The following ANKRD44 variants were observed in gnomAD, a reference collection of about 807,000 sequenced individuals.
ANKRD44 encodes the protein ankyrin repeat domain 44, also known as serine/threonine-protein phosphatase 6 regulatory ankyrin repeat subunit B.
ANKRD44 carries 35 observed loss-of-function variants against 116.0 expected under a neutral mutation model. The observed-to-expected ratio is 0.30, with a 90% CI of 0.23 to 0.40. The LOEUF is 0.40. Ranked by LOEUF, ANKRD44 falls within the 10% of genes least tolerant of loss-of-function variation. The pLI is 1.00. For synonymous variants in ANKRD44, 435 were observed against 461.8 expected, an observed-to-expected ratio of 0.94 and a Z score of 0.74; for missense variants, 1,014 against 1,242.6, an observed-to-expected ratio of 0.82 and a Z score of 2.77.
chr2:197,024,430 G>C (rs1439049229), intron 17 of ANKRD44, among the ~76,000 whole-genome samples: 1 of 152,184 alleles, frequency 6.6e-6, no homozygotes, highest in African/African-American at 2.4e-5. Flanking sequence ...CTGTTGCTGG[G>C]TGTGGCTGCC....
chr2:197,214,865 T>C (rs773024047), intron 1 of ANKRD44, among the ~76,000 whole-genome samples: 1 of 152,062 alleles, frequency 6.6e-6, no homozygotes, highest in Non-Finnish European at 1.5e-5. Flanking sequence ...GAAGAACAGC[T>C]GGATTTTTTT....
intron 4 of ANKRD44, chr2:197,136,298 CAAT>C (rs1415034134): frequency 1.3e-5 from 5 of 384,248 alleles, no homozygotes; most frequent in Non-Finnish European, 2.4e-5. Context: ...TCCCGCAAGT[CAAT>C]GATGATATTG....
intron 1 of ANKRD44, among the ~76,000 whole-genome samples, chr2:197,226,525 G>A (rs1364928229): frequency 2.0e-5 from 3 of 152,116 alleles, no homozygotes; most frequent in Non-Finnish European, 4.4e-5. Flanking sequence ...TTAGCCAGGT[G>A]TGGTGGTGCA....
At chr2:197,092,807 T>G (rs1345735404) in intron 10 of ANKRD44, among the ~76,000 whole-genome samples, 12 of 152,210 alleles carry the variant, frequency 7.9e-5, no homozygotes, top group Non-Finnish European at 1.6e-4. Context: ...GCTTTTCTGC[T>G]TATGCTATTA....
intron 16 of ANKRD44, chr2:197,029,387 C>T (rs556671141): frequency 7.4e-6 from 2 of 272,014 alleles, no homozygotes; most frequent in Non-Finnish European, 1.4e-5. Context: ...TGCTTGCCTG[C>T]TGCTTGAAGG....
intron 1 of ANKRD44, among the ~76,000 whole-genome samples, chr2:197,287,806 G>A (rs2083447507): frequency 6.6e-6 from 1 of 151,862 alleles, no homozygotes; most frequent in South Asian, 2.1e-4. Context: ...TATCACTTGA[G>A]GTCAGGAGTT....
chr2:197,115,916 G>C (rs1473261995), intron 8 of ANKRD44, among the ~76,000 whole-genome samples: 3 of 152,170 alleles, frequency 2.0e-5, no homozygotes, highest in Admixed American at 6.5e-5. Flanking sequence ...GGGAGACTGA[G>C]AATGAAGGCT....
chr2:197,288,616 G>A (rs1410585695), intron 1 of ANKRD44, among the ~76,000 whole-genome samples: 1 of 87,176 alleles, frequency 1.1e-5, no homozygotes. Flanking sequence ...TAAAGAAAAT[G>A]TGATATATAT....
intron 9 of ANKRD44, among the ~76,000 whole-genome samples, chr2:197,105,095 G>A (rs367881161): frequency 6.6e-6 from 1 of 151,758 alleles, no homozygotes; most frequent in Non-Finnish European, 1.5e-5. Context: ...GTTACAGTGG[G>A]GTTCTTTTGT....
intron 1 of ANKRD44, among the ~76,000 whole-genome samples, chr2:197,294,552 C>T (rs2083662976): frequency 6.6e-6 from 1 of 152,000 alleles, no homozygotes. Flanking sequence ...ACCACACACA[C>T]ACATATTTTC....
At chr2:197,129,412 G>A (rs773877599) in intron 4 of ANKRD44, among the ~76,000 whole-genome samples, 3 of 152,196 alleles carry the variant, frequency 2.0e-5, no homozygotes, top group Admixed American at 6.5e-5. Context: ...TGGGGTTACA[G>A]GCATGAGCCA....
At chr2:196,968,879 C>G (rs1053148103) in intron 21 of ANKRD44, among the ~76,000 whole-genome samples, 1 of 152,164 alleles carries the variant, frequency 6.6e-6, no homozygotes, top group Non-Finnish European at 1.5e-5. Flanking sequence ...TGTAGGCAGT[C>G]CTCTCATCTG....
intron 1 of ANKRD44, among the ~76,000 whole-genome samples, chr2:197,279,277 A>T (rs1574430201): frequency 6.6e-6 from 1 of 152,310 alleles, no homozygotes; most frequent in Middle Eastern, 3.4e-3. Context: ...ACCTGTATAC[A>T]ATAAAACGTC....
rs1315993590 is a variant in ANKRD44, at chr2:197,009,033, T to C, written c.1925-2A>G. ...AACACAGTGTGTGACCATTAATTAC[T>C]GAAAAAGAAAACAGTGGACAGTCTT... On this transcript the variant is annotated splice_acceptor_variant, in intron 18 of 27. Coordinates refer to ENST00000282272, the MANE Select transcript of ANKRD44 (RefSeq NM_001195144.2). LOFTEE classifies it high-confidence loss of function. 1.2e-6 allele frequency: 2 copies of C among 1,613,246 alleles called. No individual in the cohort carries two copies. The highest frequency in any genetic ancestry group is 1.7e-6 in the Non-Finnish European group (2 of 1,179,268).
At chr2:197,247,730 C>T (rs1336945277) in intron 1 of ANKRD44, among the ~76,000 whole-genome samples, 1 of 152,142 alleles carries the variant, frequency 6.6e-6, no homozygotes, top group Non-Finnish European at 1.5e-5. Context: ...AGACAAGAAC[C>T]CAAGGCTCTC....
At chr2:197,183,964 C>T (rs954617479) in intron 2 of ANKRD44, among the ~76,000 whole-genome samples, 10 of 152,136 alleles carry the variant, frequency 6.6e-5, no homozygotes, top group African/African-American at 1.4e-4. Flanking sequence ...CATAGCATCC[C>T]GGATTTTTTC....
intron 17 of ANKRD44, among the ~76,000 whole-genome samples, chr2:197,017,759 T>G (rs1161735413): frequency 1.3e-5 from 2 of 152,242 alleles, no homozygotes; most frequent in East Asian, 3.8e-4. Flanking sequence ...AATGGCAACT[T>G]TATTCTTCTA....
At chr2:197,274,626 C>G (rs1182755009) in intron 1 of ANKRD44, among the ~76,000 whole-genome samples, 1 of 152,212 alleles carries the variant, frequency 6.6e-6, no homozygotes, top group Non-Finnish European at 1.5e-5. Context: ...CGGCCCAGTC[C>G]TGCGTCCTTC....
intron 1 of ANKRD44, among the ~76,000 whole-genome samples, chr2:197,303,114 C>T (rs2083962187): frequency 6.6e-6 from 1 of 152,228 alleles, no homozygotes; most frequent in Admixed American, 6.5e-5. Flanking sequence ...AGAAAGGACT[C>T]CTCACCCTTA....
Sources: gnomAD v4.1 joint callset for allele counts (sites outside exome capture counted in the v4.1 genomes callset) on GRCh38, gnomAD v4.1.1 for gene constraint, MANE v1.5 for transcripts, NCBI Gene and HGNC (gene_info 2026-07-23, HGNC 2026-07-21) for gene names.